Variants in GRIK1 observed in about 807,000 individuals in gnomAD.
GRIK1 encodes glutamate receptor ionotropic, kainate 1.
In GRIK1, 69 loss-of-function variants were observed where a neutral mutation model predicts 105.7. That is an observed-to-expected ratio of 0.65 (90% confidence interval 0.54 to 0.80). GRIK1 has a LOEUF of 0.80. Ranked by LOEUF, GRIK1 falls within the 30% of genes least tolerant of loss-of-function variation. GRIK1 has a pLI of 0.00. For missense variants in GRIK1, 1,109 were observed against 1,167.3 expected, an observed-to-expected ratio of 0.95 and a Z score of 0.73; for synonymous variants, 438 against 431.3, an observed-to-expected ratio of 1.02 and a Z score of -0.19.
intron 1 of GRIK1, among the ~76,000 whole-genome samples, chr21:29,889,750 T>C (rs1473978451): frequency 6.6e-6 from 1 of 152,108 alleles, no homozygotes; most frequent in East Asian, 1.9e-4. Flanking sequence ...AATAGTGTGT[T>C]TCAGCAAAGA....
intron 16 of GRIK1, among the ~76,000 whole-genome samples, chr21:29,545,416 C>T (rs1352109355): frequency 6.6e-6 from 1 of 152,166 alleles, no homozygotes; most frequent in Admixed American, 6.5e-5. Context: ...CACTGAAGGC[C>T]TGAGAGGATT....
chr21:29,678,121 A>G (rs2063307197), intron 3 of GRIK1, among the ~76,000 whole-genome samples: 2 of 152,218 alleles, frequency 1.3e-5, no homozygotes, highest in African/African-American at 4.8e-5. Flanking sequence ...TGCAAATTTT[A>G]AATGTTAATT....
chr21:29,622,338 A>C lies in GRIK1; in HGVS notation c.1098+20488T>G, dbSNP rs73900032. Among the ~76,000 whole-genome samples, 133 of 152,316 alleles carry C rather than the reference A, an allele frequency of 8.7e-4. 1 individual carries two copies. The highest frequency in any genetic ancestry group is 3.0e-3 in the African/African-American group (124 of 41,580). ...TTTTGTTTTGAAAAGCTGAATTGCT[A>C]TTCTGGTCTTGTTTAAGTTGGGAGT... On this transcript the variant is annotated intron_variant, in intron 7 of 17. Transcript: ENST00000327783.
intron 1 of GRIK1, among the ~76,000 whole-genome samples, chr21:29,789,710 T>C (rs1236981711): frequency 6.6e-6 from 1 of 152,254 alleles, no homozygotes; most frequent in Non-Finnish European, 1.5e-5. Flanking sequence ...CCAGATTTGT[T>C]TTTTATTTGC....
At position 29,672,976 on chromosome 21, in the gene GRIK1, C is replaced by G. The variant is rs548412841; in HGVS notation, c.726+7G>C. 6.9e-6 allele frequency: 11 copies of G among 1,604,670 alleles called. No homozygotes were observed. In the African/African-American group the frequency reaches 1.3e-4, roughly 20 times the overall value. ...CCACACCTCCACCTCCTCCCTAGCC[C>G]TCTTACCTGCTTAAGGATTTCAGCG... is the stretch of plus-strand genomic sequence containing the variant. On this transcript the variant is annotated splice_region_variant and intron_variant, in intron 4 of 17. Coordinates refer to ENST00000327783, the MANE Select transcript of GRIK1 (RefSeq NM_001330994.2).
At chr21:29,897,262 A>AGAG (rs2070204471) in intron 1 of GRIK1, among the ~76,000 whole-genome samples, 1 of 152,228 alleles carries the variant, frequency 6.6e-6, no homozygotes, top group Admixed American at 6.5e-5. Flanking sequence ...ACCAAGAGGC[A>AGAG]GAGTGAATTT....
At chr21:29,553,534 T>C in intron 16 of GRIK1, 1 of 1,060,432 alleles carries the variant, frequency 9.4e-7, no homozygotes, top group South Asian at 2.0e-5. Flanking sequence ...GGGCACATCT[T>C]TTTTTTTTTT....
Position 29,659,493 on chromosome 21 carries a change from A to T in GRIK1, c.727-4630T>A, listed in dbSNP as rs191037634. On this transcript the variant is annotated intron_variant, in intron 4 of 17. Coordinates refer to ENST00000327783, the MANE Select transcript of GRIK1 (RefSeq NM_001330994.2). The stretch of plus-strand genomic sequence containing the variant: ...TATGAAATTCCATTCCATCTAGATA[A>T]CATAATCCTTAAATCAGCAGCGGGG... Among the ~76,000 whole-genome samples the T allele has an allele frequency of 2.6e-4, 39 of 152,350 alleles. No individual in the cohort carries two copies. The East Asian group carries it at 7.1e-3, about 28-fold the overall frequency.
chr21:29,782,511 C>T (rs1001563619), intron 1 of GRIK1, among the ~76,000 whole-genome samples: 7 of 152,274 alleles, frequency 4.6e-5, no homozygotes, highest in Middle Eastern at 3.4e-3. Context: ...GGTCAGCACC[C>T]CCAAGATGGA....
chr21:29,820,770 T>A (rs1240437054), intron 1 of GRIK1, among the ~76,000 whole-genome samples: 1 of 152,040 alleles, frequency 6.6e-6, no homozygotes, highest in Non-Finnish European at 1.5e-5. Flanking sequence ...GGCACTGATT[T>A]AAGTGACATA....
rs1327752717 is a variant in GRIK1 at position 29,555,302 on chromosome 21, C to G, written c.2357G>C (p.Gly786Ala). 2 of 1,612,098 alleles carry G rather than the reference C, an allele frequency of 1.2e-6. No individual in the cohort carries two copies. The change falls in exon 16 of 18, where the codon GGT becomes GCT. Residue 786 changes from glycine to alanine, a missense_variant and splice_region_variant. Coordinates refer to ENST00000327783, the MANE Select transcript of GRIK1 (RefSeq NM_001330994.2). Reference sequence around the variant, plus strand: ...AGTAATTTTATCCCGGTAAGGAGAACCTGGAAGTAAAACCATCTGGATATT... The same window carrying G: ...AGTAATTTTATCCCGGTAAGGAGAAGCTGGAAGTAAAACCATCTGGATATT... ...SKGYGVGTPI[G>A]SPYRDKITIA...
At chr21:29,827,922 T>C (rs1174136229) in intron 1 of GRIK1, among the ~76,000 whole-genome samples, 1 of 151,952 alleles carries the variant, frequency 6.6e-6, no homozygotes, top group African/African-American at 2.4e-5. Flanking sequence ...GAGGCTTGAA[T>C]TGGCTGGGCC....
intron 7 of GRIK1, among the ~76,000 whole-genome samples, chr21:29,609,779 T>G (rs757709010): frequency 9.9e-5 from 15 of 152,126 alleles, no homozygotes; most frequent in Non-Finnish European, 1.8e-4. Context: ...CTTTTCTGGG[T>G]CTCCAGTTTG....
At chr21:29,662,432 T>C (rs1292881270) in intron 4 of GRIK1, among the ~76,000 whole-genome samples, 3 of 152,194 alleles carry the variant, frequency 2.0e-5, no homozygotes, top group African/African-American at 7.2e-5. Flanking sequence ...AGATGATATG[T>C]AAGAGAGAAT....
chr21:29,626,714 G>A (rs2062140739), intron 7 of GRIK1, among the ~76,000 whole-genome samples: 1 of 152,164 alleles, frequency 6.6e-6, no homozygotes, highest in Non-Finnish European at 1.5e-5. Context: ...TCAATGTTTA[G>A]CACCATTGGT....
intron 1 of GRIK1, among the ~76,000 whole-genome samples, chr21:29,846,479 A>AAGAG (rs2068127479): frequency 7.5e-6 from 1 of 132,734 alleles, no homozygotes; most frequent in African/African-American, 2.5e-5. Context: ...GAAAGAAAGA[A>AAGAG]AGAAAGAAAG....
At position 29,555,404 on chromosome 21, in the gene GRIK1, G is replaced by A. The variant is rs182364019; in HGVS notation, c.2357-102C>T. 1.1e-5 allele frequency: 12 copies of A among 1,052,506 alleles called. No homozygotes were observed. The Admixed American group carries it at 2.5e-4, about 22-fold the overall frequency. The allele number at this position is 1,052,506 out of a possible 1,614,324, so 65.2% of individuals were successfully genotyped here. Reference sequence around the variant, plus strand: ...TTGTCATAACTATGTTACGGCTGTTGTGAGACCCCAATCCACAAATTGACT... The same window carrying A: ...TTGTCATAACTATGTTACGGCTGTTATGAGACCCCAATCCACAAATTGACT... On this transcript the variant is annotated intron_variant, in intron 15 of 17. Transcript: ENST00000327783.
chr21:29,775,452 A>G (rs1289104863), intron 1 of GRIK1, among the ~76,000 whole-genome samples: 1 of 152,132 alleles, frequency 6.6e-6, no homozygotes, highest in Non-Finnish European at 1.5e-5. Flanking sequence ...CAAGGAGCTC[A>G]GTTGCTCAGC....
At chr21:29,750,904 G>T (rs1286922162) in intron 1 of GRIK1, among the ~76,000 whole-genome samples, 1 of 152,154 alleles carries the variant, frequency 6.6e-6, no homozygotes, top group South Asian at 2.1e-4. Context: ...AATCACCTGG[G>T]TGCAGGCGGA....
Sources: gnomAD v4.1 joint callset for allele counts (sites outside exome capture counted in the v4.1 genomes callset) on GRCh38, gnomAD v4.1.1 for gene constraint, MANE v1.5 for transcripts, NCBI Gene and HGNC (gene_info 2026-07-23, HGNC 2026-07-21) for gene names.